Variants in GRK5 observed in about 807,000 individuals in gnomAD.
GRK5 encodes G protein-coupled receptor kinase 5, also known as g protein-coupled receptor kinase GRK5.
In GRK5, 40 loss-of-function variants were observed where a neutral mutation model predicts 78.4. The ratio of observed to expected loss-of-function variants is 0.51; its 90% confidence interval spans 0.40 to 0.66. GRK5 has a LOEUF of 0.66. Ranked by LOEUF, GRK5 falls within the 30% of genes least tolerant of loss-of-function variation. The probability of loss-of-function intolerance (pLI) is 0.00; values close to 1 mark genes in which losing one functional copy is unlikely to be tolerated. For synonymous variants in GRK5, 289 were observed against 296.8 expected, an observed-to-expected ratio of 0.97 and a Z score of 0.27; for missense variants, 598 against 759.9, an observed-to-expected ratio of 0.79 and a Z score of 2.50.
chr10:119,366,506 G>T (rs868320218), intron 2 of GRK5, among the ~76,000 whole-genome samples: 1 of 152,176 alleles, frequency 6.6e-6, no homozygotes, highest in Non-Finnish European at 1.5e-5. Context: ...AGGGCAGGAG[G>T]GGGGCAGCTA....
At chr10:119,394,296 GTGTGT>G (rs1851966220) in intron 3 of GRK5, among the ~76,000 whole-genome samples, 1 of 41,494 alleles carries the variant, frequency 2.4e-5, no homozygotes, top group Non-Finnish European at 7.4e-5. Flanking sequence ...GTGTGTATCT[GTGTGT>G]CTGTGTGGGC....
In GRK5 at chr10:119,378,670, CTGCGCCT is replaced by C. The variant is rs1851664555; in HGVS notation, c.149-2144_149-2138del. On this transcript the variant is annotated intron_variant, in intron 2 of 15. Coordinates refer to ENST00000392870, the MANE Select transcript of GRK5 (RefSeq NM_005308.3). This position sits in a 1 kb window ranked among gnomAD's most constrained non-coding sequence, Gnocchi z 4.5. ...CCGCTCATCTCCGCTTGTGTGCGGG[CTGCGCCT>C]CCGTGGGCTCTCGCTGCGTGGGGGG... Among the ~76,000 whole-genome samples the C allele has an allele frequency of 2.5e-5, 2 of 79,856 alleles. No individual in the cohort carries two copies. Among genetic ancestry groups the C allele is most frequent in the African/African-American group, 6.0e-5 (1 of 16,562 alleles). The allele number at this position is 79,856 out of a possible 152,430, so 52.4% of individuals were successfully genotyped here.
Position 119,267,466 on chromosome 10 carries a change from C to T in GRK5, c.53-59050C>T, listed in dbSNP as rs1304192784. Among the ~76,000 whole-genome samples, 1 of 152,144 alleles carries T rather than the reference C, an allele frequency of 6.6e-6. No homozygotes were observed. Among genetic ancestry groups the T allele is most frequent in the Admixed American group, 6.6e-5 (1 of 15,266 alleles). On this transcript the variant is annotated intron_variant, in intron 1 of 15. Coordinates refer to ENST00000392870, the MANE Select transcript of GRK5 (RefSeq NM_005308.3). This position sits in a 1 kb window ranked among gnomAD's most constrained non-coding sequence, Gnocchi z 4.1. ...GGAGCTGGGGTCATACTTGTGGGGT[C>T]ATAACAGGGCCTTGGGCAGCAGACT... is the stretch of plus-strand genomic sequence containing the variant.
intron 2 of GRK5, among the ~76,000 whole-genome samples, chr10:119,363,285 A>G (rs549464630): frequency 6.6e-6 from 1 of 152,082 alleles, no homozygotes; most frequent in East Asian, 1.9e-4. Flanking sequence ...GTCTCAAAAA[A>G]AAAAAAAAAC....
chr10:119,375,415 A>G (rs1851608163), intron 2 of GRK5, among the ~76,000 whole-genome samples: 2 of 152,042 alleles, frequency 1.3e-5, no homozygotes, highest in Non-Finnish European at 2.9e-5. Context: ...TGTGCTCTCC[A>G]TGGCCACCAC....
intron 4 of GRK5, among the ~76,000 whole-genome samples, chr10:119,402,157 A>T (rs1852161982): frequency 6.6e-6 from 1 of 152,168 alleles, no homozygotes; most frequent in Non-Finnish European, 1.5e-5. Context: ...AAGGCAGAGG[A>T]GCATCTGGAA....
intron 1 of GRK5, among the ~76,000 whole-genome samples, chr10:119,225,648 G>A (rs2133716347): frequency 6.7e-6 from 1 of 149,520 alleles, no homozygotes; most frequent in Middle Eastern, 3.5e-3. Context: ...GGAGAGGACT[G>A]CTGATTTTCT....
At chr10:119,370,755 A>C (rs1851532961) in intron 2 of GRK5, among the ~76,000 whole-genome samples, 1 of 152,148 alleles carries the variant, frequency 6.6e-6, no homozygotes, top group Non-Finnish European at 1.5e-5. Flanking sequence ...TCAAACCTGA[A>C]ATACGGCAGA....
At chr10:119,387,362 T>C (rs895215521) in intron 3 of GRK5, among the ~76,000 whole-genome samples, 1 of 152,208 alleles carries the variant, frequency 6.6e-6, no homozygotes, top group African/African-American at 2.4e-5. Flanking sequence ...CAGCTGTTTT[T>C]TAATGACGGC....
At chr10:119,415,735 T>G (rs1166154461) in intron 4 of GRK5, among the ~76,000 whole-genome samples, 1 of 152,148 alleles carries the variant, frequency 6.6e-6, no homozygotes, top group Admixed American at 6.5e-5. Context: ...ATGTCCTTCC[T>G]AGAGGGCTGG....
intron 12 of GRK5, among the ~76,000 whole-genome samples, chr10:119,444,186 G>C (rs998705443): frequency 6.6e-6 from 1 of 152,160 alleles, no homozygotes; most frequent in African/African-American, 2.4e-5. Flanking sequence ...AGGGCTACAG[G>C]GGGTGGGGGC....
intron 1 of GRK5, among the ~76,000 whole-genome samples, chr10:119,302,782 C>T (rs1005560639): frequency 6.6e-6 from 1 of 152,184 alleles, no homozygotes; most frequent in African/African-American, 2.4e-5. Context: ...GCCTGGCAGG[C>T]TCCTTCCACA....
chr10:119,209,981 T>C (rs1848460914), intron 1 of GRK5, among the ~76,000 whole-genome samples: 1 of 152,038 alleles, frequency 6.6e-6, no homozygotes, highest in Non-Finnish European at 1.5e-5. Context: ...TTCACCAACG[T>C]GAATTTACTG....
chr10:119,283,538 G>A (rs76590955), intron 1 of GRK5, among the ~76,000 whole-genome samples: 3,058 of 152,316 alleles, frequency 0.02, 62 homozygotes, highest in Admixed American at 0.053. Context: ...ACGCCTGCCC[G>A]TGCCCGGGCT....
chr10:119,224,790 C>T (rs910698519), intron 1 of GRK5, among the ~76,000 whole-genome samples: 5 of 152,140 alleles, frequency 3.3e-5, no homozygotes, highest in African/African-American at 9.7e-5. Flanking sequence ...GTTTCCATTC[C>T]ATTGAAAGCT....
At position 119,449,247 on chromosome 10, in the gene GRK5, G is replaced by A. The variant is rs186643607; in HGVS notation, c.1404+987G>A. On this transcript the variant is annotated intron_variant, in intron 13 of 15. Transcript: ENST00000392870. ...AAATGCTACAAATCAGGGCCTCTGC[G>A]TCCCCCTCTCCCAGAACCAGTGGTT... Among the ~76,000 whole-genome samples the A allele has an allele frequency of 4.1e-3, 624 of 152,298 alleles. 3 individuals carry two copies. The highest frequency in any genetic ancestry group is 0.014 in the African/African-American group (591 of 41,570).
At chr10:119,240,725 T>A (rs570847185) in intron 1 of GRK5, among the ~76,000 whole-genome samples, 1 of 152,192 alleles carries the variant, frequency 6.6e-6, no homozygotes. Context: ...TTCTGGACAT[T>A]AGCCCTTTGT....
At chr10:119,451,771 G>A (rs770019002) in intron 13 of GRK5, among the ~76,000 whole-genome samples, 18 of 152,248 alleles carry the variant, frequency 1.2e-4, no homozygotes, top group African/African-American at 3.4e-4. Context: ...AGAAAGTGCC[G>A]AGCCCTGAGA....
intron 2 of GRK5, among the ~76,000 whole-genome samples, chr10:119,337,167 G>A (rs901834890): frequency 3.3e-5 from 5 of 152,076 alleles, no homozygotes; most frequent in African/African-American, 4.8e-5. Flanking sequence ...TTGGGCTTCC[G>A]TGTCAGATTT....
Sources: allele counts gnomAD v4.1 joint callset (sites outside exome capture counted in the v4.1 genomes callset), GRCh38; gene constraint gnomAD v4.1.1; non-coding constraint Gnocchi (gnomAD v3.1); transcripts MANE v1.5; gene names NCBI Gene and HGNC (gene_info 2026-07-23, HGNC 2026-07-21).